Variants in ARID1B observed in about 807,000 individuals in gnomAD.
ARID1B encodes the protein AT-rich interaction domain 1B, also known as AT-rich interactive domain-containing protein 1B.
Under a neutral mutation model 212.3 loss-of-function variants are expected in ARID1B, and 30 were observed. The observed-to-expected ratio is 0.14, with a 90% confidence interval of 0.11 to 0.19. ARID1B has a LOEUF of 0.19. ARID1B is among the 10% of genes least tolerant of loss of function. ARID1B has a pLI of 1.00. For synonymous variants in ARID1B, 1,402 were observed against 1,301.7 expected, an observed-to-expected ratio of 1.08 and a Z score of -1.66; for missense variants, 2,891 against 3,204.0, an observed-to-expected ratio of 0.90 and a Z score of 2.36.
At chr6:156,809,002 T>A (rs1781377912) in intron 1 of ARID1B, among the ~76,000 whole-genome samples, 1 of 152,240 alleles carries the variant, frequency 6.6e-6, no homozygotes, top group South Asian at 2.1e-4. Flanking sequence ...AGTTTCTTTT[T>A]GGAGGTTTTT....
intron 4 of ARID1B, among the ~76,000 whole-genome samples, chr6:156,994,984 C>T (rs1778503643): frequency 6.6e-6 from 1 of 152,230 alleles, no homozygotes; most frequent in Non-Finnish European, 1.5e-5. Context: ...GTCAGGGCCA[C>T]TTACCAAGAC....
chr6:157,026,714 C>A (rs1181343655), intron 4 of ARID1B, among the ~76,000 whole-genome samples: 1 of 152,114 alleles, frequency 6.6e-6, no homozygotes, highest in Non-Finnish European at 1.5e-5. Context: ...GGGGGTCTCA[C>A]TATTTTGCCC....
At position 156,948,342 on chromosome 6, in the gene ARID1B, A is replaced by G. The variant is rs559956784; in HGVS notation, c.2247+12766A>G. The stretch of plus-strand genomic sequence containing the variant: ...AGCCTCCCACCTCAGCCTCTCGAGT[A>G]GCTGGAACTATAGGCGTGTGCCACC... On this transcript the variant is annotated intron_variant, in intron 4 of 19. Transcript: ENST00000636930. Among the ~76,000 whole-genome samples the G allele has an allele frequency of 8.3e-4, 127 of 152,238 alleles. 1 individual carries two copies. The highest frequency in any genetic ancestry group is 2.9e-4 in the Non-Finnish European group (20 of 68,006).
Position 157,208,549 on chromosome 6 carries a change from G to C in ARID1B, c.*658G>C, listed in dbSNP as rs1794623083. On this transcript the variant is annotated 3_prime_UTR_variant, in exon 20 of 20. Coordinates refer to ENST00000636930, the MANE Select transcript of ARID1B (RefSeq NM_001374828.1). ...AGAATACATACCTGACAACGATCCG[G>C]AAACTGCTCCTCACCACTCCCGTCA... is the stretch of plus-strand genomic sequence containing the variant. 8.6e-6 allele frequency: 2 copies of C among 233,036 alleles called. No homozygotes were observed. Among genetic ancestry groups the C allele is most frequent in the Non-Finnish European group, 1.7e-5 (2 of 117,754 alleles). The allele number at this position is 233,036 out of a possible 1,614,324, so 14.4% of individuals were successfully genotyped here.
At chr6:156,781,611 C>G (rs375678836) in intron 1 of ARID1B, among the ~76,000 whole-genome samples, 2 of 152,072 alleles carry the variant, frequency 1.3e-5, no homozygotes, top group South Asian at 4.1e-4. Flanking sequence ...ACACTGCTGT[C>G]CACTGCTTTC....
At chr6:156,999,075 A>G (rs573723433) in intron 4 of ARID1B, among the ~76,000 whole-genome samples, 4 of 152,190 alleles carry the variant, frequency 2.6e-5, no homozygotes, top group Non-Finnish European at 5.9e-5. Flanking sequence ...CTTCTGGGCC[A>G]GTGACTTTCA....
chr6:157,003,184 A>G (rs1351036972), intron 4 of ARID1B, among the ~76,000 whole-genome samples: 3 of 152,220 alleles, frequency 2.0e-5, no homozygotes, highest in Admixed American at 2.0e-4. Flanking sequence ...CGCCTGGGAC[A>G]TGATCTGAGT....
At chr6:157,084,531 C>T in intron 4 of ARID1B, 131 bp from the exon 5 acceptor site, 1 of 1,195,206 alleles carries the variant, frequency 8.4e-7, no homozygotes. Flanking sequence ...AGTGGCCATG[C>T]TTTTTTATTT....
chr6:157,157,327 A>T (rs1790642698), intron 8 of ARID1B, among the ~76,000 whole-genome samples: 1 of 152,172 alleles, frequency 6.6e-6, no homozygotes. Flanking sequence ...ACCCATCACT[A>T]GGCGTCATTA....
intron 4 of ARID1B, among the ~76,000 whole-genome samples, chr6:157,019,705 T>G (rs940571816): frequency 6.6e-6 from 1 of 152,192 alleles, no homozygotes; most frequent in Non-Finnish European, 1.5e-5. Context: ...ATGATAAAAC[T>G]CAGTCATCCA....
chr6:156,960,935 A>G (rs1336308582), intron 4 of ARID1B, among the ~76,000 whole-genome samples: 1 of 152,132 alleles, frequency 6.6e-6, no homozygotes. Context: ...CATTTAAAAC[A>G]AACAAACAAA....
At position 157,171,478 on chromosome 6, in the gene ARID1B, A is replaced by G. The variant is rs112068968; in HGVS notation, c.3236-2530A>G. Among the ~76,000 whole-genome samples the G allele has an allele frequency of 6.8e-3, 1,029 of 152,296 alleles. 10 individuals are homozygous for G. Among genetic ancestry groups the G allele is most frequent in the African/African-American group, 0.024 (980 of 41,560 alleles). ...CCTTGGGAGGCATATGGCTCGTTTC[A>G]GTGATTCCTTGAGAATTCTGGTAAG... On this transcript the variant is annotated intron_variant, in intron 9 of 19. Coordinates refer to ENST00000636930, the MANE Select transcript of ARID1B (RefSeq NM_001374828.1).
chr6:157,184,142 C>A, intron 12 of ARID1B, 89 bp from the exon 13 acceptor site: 1 of 1,225,336 alleles, frequency 8.2e-7, no homozygotes, highest in Non-Finnish European at 1.1e-6. Context: ...GAAGAAAAGT[C>A]AACCAAGACA....
intron 3 of ARID1B, among the ~76,000 whole-genome samples, 196 bp from the exon 4 acceptor site, chr6:156,935,270 G>A (rs1473058378): frequency 1.3e-5 from 2 of 151,874 alleles, no homozygotes; most frequent in African/African-American, 4.8e-5. Context: ...TGTAGAGATG[G>A]AGTCTCCCTA....
Position 157,196,275 on chromosome 6 carries a change from C to A in ARID1B, c.4342C>A (p.Gln1448Lys). 1 of 1,604,784 alleles carries A rather than the reference C, an allele frequency of 6.2e-7. No homozygotes were observed. Among genetic ancestry groups the A allele is most frequent in the Non-Finnish European group, 8.5e-7 (1 of 1,177,944 alleles). The change falls in exon 16 of 20, where the codon CAG (glutamine) becomes AAG (lysine). Residue 1448 changes from glutamine (Q) to lysine (K), a missense_variant. Physicochemically the swap from Gln to Lys is moderately conservative, Grantham distance 53. This residue lies in a region of ARID1B where 666 missense variants were observed against 873.5 expected (regional missense o/e 0.76). Transcript: ENST00000636930. ...AGCAATGTCTAACCTGGGCATGGGGCAGCGCCAGCAGTTTCCCTATGGAGC... is the reference window on the plus strand; with the variant it reads ...AGCAATGTCTAACCTGGGCATGGGGAAGCGCCAGCAGTTTCCCTATGGAGC... ...SGAMSNLGMG[Q>K]RQQFPYGASY... is the part of the protein sequence containing the mutation.
Position 156,916,861 on chromosome 6 carries a change from G to A in ARID1B, c.2136+15336G>A, listed in dbSNP as rs560645721. 3.9e-5 allele frequency among the ~76,000 whole-genome samples: 6 copies of A among 152,156 alleles called. No homozygotes were observed. The South Asian group carries it at 8.3e-4, about 21-fold the overall frequency. ...ATTTCTCCAGGAACCTTCACCCATC[G>A]TCTCCTGGCAGATGTTGTGTGTTAA... On this transcript the variant is annotated intron_variant, in intron 3 of 19. Transcript: ENST00000636930.
intron 7 of ARID1B, 54 bp downstream of exon 7, chr6:157,133,261 AATGT>A: frequency 4.0e-6 from 6 of 1,501,124 alleles, no homozygotes; most frequent in Non-Finnish European, 5.4e-6. Context: ...AAATTTTCTT[AATGT>A]GCTAGTCCTT....
intron 2 of ARID1B, among the ~76,000 whole-genome samples, chr6:156,865,310 T>C (rs1300683554): frequency 6.6e-6 from 1 of 152,154 alleles, no homozygotes; most frequent in Non-Finnish European, 1.5e-5. Flanking sequence ...GTCTTTAAAA[T>C]AAAAGACATT....
intron 3 of ARID1B, chr6:156,902,226 TG>T (rs1364626212): frequency 6.6e-6 from 1 of 152,190 alleles, no homozygotes; most frequent in Non-Finnish European, 1.5e-5. Context: ...CACTCATGAG[TG>T]ACATGAAAAG....
Sources: allele counts gnomAD v4.1 joint callset (sites outside exome capture counted in the v4.1 genomes callset), GRCh38; gene constraint gnomAD v4.1.1; regional missense constraint gnomAD v4.1.1; transcripts MANE v1.5; gene names NCBI Gene and HGNC (gene_info 2026-07-23, HGNC 2026-07-21).